MLIP: variants seen among roughly 807,000 people sequenced by gnomAD.
The protein encoded by MLIP is muscular LMNA interacting protein, also known as muscular LMNA-interacting protein.
MLIP carries 79 observed loss-of-function variants against 84.8 expected under a neutral mutation model. The ratio of observed to expected loss-of-function variants is 0.93; its 90% confidence interval spans 0.78 to 1.12. The LOEUF is 1.12. Among genes scored for constraint, MLIP ranks in the 50% most tolerant of loss-of-function variants. The pLI is 0.00. For missense variants in MLIP, 1,257 were observed against 1,160.6 expected, an observed-to-expected ratio of 1.08 and a Z score of -1.21; for synonymous variants, 504 against 463.0, an observed-to-expected ratio of 1.09 and a Z score of -1.14.
chr6:54,232,099 A>G lies in MLIP; in HGVS notation c.2922+1182A>G, dbSNP rs148248909. 1.7e-3 allele frequency among the ~76,000 whole-genome samples: 259 copies of G among 152,182 alleles called. 1 individual carries two copies. Among genetic ancestry groups the G allele is most frequent in the African/African-American group, 5.7e-3 (238 of 41,564 alleles). ...CATTCTTGGTCTAGAAAATAAGTATATGAGAGAAAATATAATATTTTAAAA... is the reference window on the plus strand; with the variant it reads ...CATTCTTGGTCTAGAAAATAAGTATGTGAGAGAAAATATAATATTTTAAAA... On this transcript the variant is annotated intron_variant, in intron 12 of 13. Coordinates refer to ENST00000502396, the MANE Select transcript of MLIP (RefSeq NM_001281747.2).
At chr6:54,130,497 T>C (rs555874699) in intron 3 of MLIP, among the ~76,000 whole-genome samples, 2 of 152,266 alleles carry the variant, frequency 1.3e-5, no homozygotes, top group South Asian at 2.1e-4. Flanking sequence ...AAGGAGAAAC[T>C]ATGTTTCCGC....
chr6:54,259,860 A>T (rs1048111518), intron 13 of MLIP, among the ~76,000 whole-genome samples: 9 of 151,886 alleles, frequency 5.9e-5, no homozygotes, highest in Non-Finnish European at 1.2e-4. Flanking sequence ...GTGTGGTCAG[A>T]CCAATATTGA....
intron 1 of MLIP, among the ~76,000 whole-genome samples, chr6:54,061,836 G>C (rs1765981338): frequency 6.6e-6 from 1 of 152,152 alleles, no homozygotes; most frequent in African/African-American, 2.4e-5. Flanking sequence ...AGCATGGGTG[G>C]GAAGATAAAG....
Position 54,137,327 on chromosome 6 carries a change from A to G in MLIP, c.1258A>G (p.Ile420Val). The G allele has an allele frequency of 6.5e-7, 1 of 1,535,896 alleles. No individual in the cohort carries two copies. The highest frequency in any genetic ancestry group is 1.7e-4 in the Middle Eastern group (1 of 5,990). Residue 420 changes from isoleucine to valine, a missense_variant, in exon 4 of 14, where the codon ATT (isoleucine) becomes GTT (valine). Coordinates refer to ENST00000502396, the MANE Select transcript of MLIP (RefSeq NM_001281747.2). Reference protein sequence around the residue: ...VPSRLALLTAILKSNPSHQRP... With the variant: ...VPSRLALLTAVLKSNPSHQRP... ...TTCCCGGCTTGCCCTTCTCACTGCC[A>G]TTCTCAAGTCAAACCCTTCCCACCA... is the stretch of plus-strand genomic sequence containing the variant.
At chr6:54,216,850 A>G (rs1222226193) in intron 11 of MLIP, 2 of 985,242 alleles carry the variant, frequency 2.0e-6, no homozygotes, top group Non-Finnish European at 2.4e-6. Context: ...ACAATCTCTT[A>G]TTTCATAGTA....
intron 6 of MLIP, 28 bp from the exon 7 acceptor site, chr6:54,160,488 A>T: frequency 3.1e-6 from 5 of 1,611,620 alleles, no homozygotes; most frequent in Non-Finnish European, 4.2e-6. Flanking sequence ...CTTATTGCTA[A>T]CCCAGTACCT....
At chr6:54,246,258 CTTGCTTTCAAAGCA>C (rs1192113789) in intron 12 of MLIP, among the ~76,000 whole-genome samples, 2 of 152,130 alleles carry the variant, frequency 1.3e-5, no homozygotes, top group African/African-American at 4.8e-5. Context: ...AAGACCACGA[CTTGCTTTCAAAGCA>C]TTAGAAGTCC....
chr6:54,170,888 T>C (rs189271585), intron 9 of MLIP, among the ~76,000 whole-genome samples: 314 of 151,650 alleles, frequency 2.1e-3, no homozygotes, highest in African/African-American at 6.5e-3. Flanking sequence ...ATTGAGTTCC[T>C]TGAGTCGTTA....
intron 10 of MLIP, among the ~76,000 whole-genome samples, 184 bp from the exon 11 acceptor site, chr6:54,201,920 TA>T (rs1040016374): frequency 1.3e-5 from 2 of 152,220 alleles, no homozygotes; most frequent in Admixed American, 1.3e-4. Flanking sequence ...AAATTTTAAC[TA>T]AACTTATATT....
At chr6:54,198,316 G>C (rs1416148654) in intron 10 of MLIP, among the ~76,000 whole-genome samples, 1 of 152,100 alleles carries the variant, frequency 6.6e-6, no homozygotes, top group Non-Finnish European at 1.5e-5. Flanking sequence ...GTCTTAATTG[G>C]ATAGAACATT....
At chr6:54,108,227 T>A (rs1769163249), upstream of MLIP, among the ~76,000 whole-genome samples, 1 of 152,068 alleles carries the variant, frequency 6.6e-6, no homozygotes, top group Non-Finnish European at 1.5e-5. Context: ...AACAGAGCAG[T>A]TTGTGTTTGT....
At chr6:54,168,300 G>T (rs1775403259) in intron 8 of MLIP, among the ~76,000 whole-genome samples, 1 of 151,542 alleles carries the variant, frequency 6.6e-6, no homozygotes, top group African/African-American at 2.4e-5. Flanking sequence ...TCTCAACATT[G>T]ATCATCTAAT....
At chr6:54,053,728 A>T (rs1172144719) in intron 1 of MLIP, among the ~76,000 whole-genome samples, 1 of 152,230 alleles carries the variant, frequency 6.6e-6, no homozygotes, top group Non-Finnish European at 1.5e-5. Context: ...TAAAGAGCTT[A>T]GCACAGTGCC....
At chr6:54,035,583 C>G (rs575898962) in intron 1 of MLIP, among the ~76,000 whole-genome samples, 1 of 152,016 alleles carries the variant, frequency 6.6e-6, no homozygotes, top group African/African-American at 2.4e-5. Context: ...ACATTCCTAT[C>G]AGCAATGTAT....
At chr6:54,111,785 C>T (rs183398065) in intron 1 of MLIP, among the ~76,000 whole-genome samples, 51 of 152,196 alleles carry the variant, frequency 3.4e-4, no homozygotes, top group African/African-American at 1.2e-3. Flanking sequence ...TCAGGATTGC[C>T]CTTGGCACAG....
intron 11 of MLIP, among the ~76,000 whole-genome samples, chr6:54,223,044 A>G (rs1197788002): frequency 2.0e-5 from 3 of 151,746 alleles, no homozygotes; most frequent in Non-Finnish European, 2.9e-5. Flanking sequence ...ATATCTGTTC[A>G]GGTCCCTTGC....
intron 1 of MLIP, among the ~76,000 whole-genome samples, chr6:54,121,161 CT>C (rs1770416199): frequency 6.6e-6 from 1 of 152,282 alleles, no homozygotes; most frequent in East Asian, 1.9e-4. Context: ...CAGAAATGCT[CT>C]GTGAGATTCC....
intron 1 of MLIP, among the ~76,000 whole-genome samples, chr6:54,053,718 T>A (rs976893417): frequency 3.3e-5 from 5 of 152,216 alleles, no homozygotes; most frequent in African/African-American, 9.6e-5. Context: ...AAAATGCATG[T>A]AAAGAGCTTA....
chr6:54,124,861 G>A lies in MLIP; in HGVS notation c.641G>A (p.Gly214Glu), dbSNP rs765867577. 5 of 1,578,158 alleles carry A rather than the reference G, an allele frequency of 3.2e-6. No individual in the cohort carries two copies. In the East Asian group the frequency reaches 9.0e-5, roughly 28 times the overall value. The part of the protein sequence containing the change: ...LHGMAPQQKH[G>E]QLTSSPTTSE... The stretch of plus-strand genomic sequence containing the variant: ...GGGATGGCCCCTCAGCAAAAGCATG[G>A]GCAGGTAGGTTTTGTGTTCCTGCTG... The change falls in exon 3 of 14, where the codon GGG (glycine) becomes GAG (glutamate). Residue 214 changes from glycine to glutamate, a missense_variant. Transcript: ENST00000502396.
Sources: gnomAD v4.1 joint callset for allele counts (sites outside exome capture counted in the v4.1 genomes callset) on GRCh38, gnomAD v4.1.1 for gene constraint, MANE v1.5 for transcripts, NCBI Gene and HGNC (gene_info 2026-07-23, HGNC 2026-07-21) for gene names.